The following KCNQ3 variants were observed in gnomAD, a reference collection of about 807,000 sequenced individuals.
KCNQ3 encodes the protein potassium voltage-gated channel subfamily KQT member 3.
Under a neutral mutation model 92.5 loss-of-function variants are expected in KCNQ3, and 30 were observed. The ratio of observed to expected loss-of-function variants is 0.32; its 90% CI spans 0.24 to 0.44. The LOEUF is 0.44. KCNQ3 is among the 20% of genes least tolerant of loss of function. The pLI, the probability that KCNQ3 is intolerant of heterozygous loss-of-function variation, is 1.00. For synonymous variants in KCNQ3, 450 were observed against 468.8 expected, an observed-to-expected ratio of 0.96 and a Z score of 0.52; for missense variants, 913 against 1,140.3, an observed-to-expected ratio of 0.80 and a Z score of 2.87.
At chr8:132,304,211 TG>T (rs1817346364) in intron 1 of KCNQ3, among the ~76,000 whole-genome samples, 1 of 152,204 alleles carries the variant, frequency 6.6e-6, no homozygotes, top group Non-Finnish European at 1.5e-5. Flanking sequence ...TGTACACTAT[TG>T]GGGTGATGGT....
intron 1 of KCNQ3, among the ~76,000 whole-genome samples, chr8:132,270,784 C>G (rs1363081665): frequency 6.6e-6 from 1 of 152,186 alleles, no homozygotes; most frequent in Admixed American, 6.5e-5. Context: ...AATTTGCCAA[C>G]CCTTAGACTG....
chr8:132,260,833 C>A (rs1815762729), intron 1 of KCNQ3, among the ~76,000 whole-genome samples: 1 of 152,038 alleles, frequency 6.6e-6, no homozygotes, highest in Non-Finnish European at 1.5e-5. Context: ...AAACTTCCAT[C>A]CAACCATCCA....
At chr8:132,343,296 G>A (rs558916214) in intron 1 of KCNQ3, among the ~76,000 whole-genome samples, 17 of 152,304 alleles carry the variant, frequency 1.1e-4, no homozygotes, top group African/African-American at 4.1e-4. Context: ...GCACATGGAA[G>A]ACACATCTTT....
intron 1 of KCNQ3, among the ~76,000 whole-genome samples, chr8:132,227,991 A>AC (rs947011984): frequency 1.3e-5 from 2 of 152,114 alleles, no homozygotes; most frequent in African/African-American, 4.8e-5. Flanking sequence ...CAGAAGTTAA[A>AC]AAAAAAAACC....
At chr8:132,295,927 C>CGG (rs1293084571) in intron 1 of KCNQ3, among the ~76,000 whole-genome samples, 1 of 151,902 alleles carries the variant, frequency 6.6e-6, no homozygotes. Flanking sequence ...CTAATGCACA[C>CGG]GGGGCTTAAT....
In KCNQ3 at chr8:132,122,980, T is replaced by A. The variant is rs10095295; in HGVS notation, c.*6282A>T. Reference sequence around the variant, plus strand: ...AGTATCTGCTTATGTCCTGACAACATGGGGATTCTCTGGGACAAGGCAAGA... The same window carrying A: ...AGTATCTGCTTATGTCCTGACAACAAGGGGATTCTCTGGGACAAGGCAAGA... On this transcript the variant is annotated 3_prime_UTR_variant, in exon 15 of 15. Coordinates refer to ENST00000388996, the MANE Select transcript of KCNQ3 (RefSeq NM_004519.4). 40,230 of 152,018 alleles carry A rather than the reference T, an allele frequency of 0.26. 5,495 individuals carry two copies. Among genetic ancestry groups the A allele is most frequent in the Middle Eastern group, 0.42 (123 of 292 alleles). 9.4% of individuals were successfully genotyped at this position (152,018 alleles called of 1,614,324 possible).
intron 1 of KCNQ3, among the ~76,000 whole-genome samples, chr8:132,318,392 G>C (rs1226865603): frequency 2.0e-5 from 3 of 152,174 alleles, no homozygotes; most frequent in Non-Finnish European, 4.4e-5. Flanking sequence ...GCTCAGAGTT[G>C]TCTCTGAAAC....
At chr8:132,391,470 T>G (rs1433585653) in intron 1 of KCNQ3, among the ~76,000 whole-genome samples, 3 of 151,704 alleles carry the variant, frequency 2.0e-5, no homozygotes, top group Non-Finnish European at 4.4e-5. Context: ...AACAAATGCT[T>G]TACGCCTCTG....
At chr8:132,303,881 T>G (rs1817336229) in intron 1 of KCNQ3, among the ~76,000 whole-genome samples, 1 of 151,210 alleles carries the variant, frequency 6.6e-6, no homozygotes, top group Non-Finnish European at 1.5e-5. Context: ...TATATACACA[T>G]ATAATATTTT....
intron 1 of KCNQ3, among the ~76,000 whole-genome samples, chr8:132,277,204 T>TAAAACAAAAC (rs1816362117): frequency 6.6e-6 from 1 of 152,156 alleles, no homozygotes. Flanking sequence ...TTTCACAAAT[T>TAAAACAAAAC]AAAACAAAAC....
chr8:132,470,886 T>A (rs958634549), intron 1 of KCNQ3, among the ~76,000 whole-genome samples: 1 of 152,188 alleles, frequency 6.6e-6, no homozygotes, highest in Non-Finnish European at 1.5e-5. Flanking sequence ...GCCCCACAAT[T>A]TGAATTTGTC....
intron 1 of KCNQ3, among the ~76,000 whole-genome samples, chr8:132,405,411 C>G (rs1820449800): frequency 6.6e-6 from 1 of 152,212 alleles, no homozygotes; most frequent in South Asian, 2.1e-4. Flanking sequence ...TGGCAGTGAA[C>G]AATAGAGACT....
chr8:132,313,119 G>T (rs977433649), intron 1 of KCNQ3, among the ~76,000 whole-genome samples: 12 of 152,198 alleles, frequency 7.9e-5, no homozygotes, highest in African/African-American at 2.9e-4. Context: ...GTTGGCAAAT[G>T]CTGGCCTAGA....
chr8:132,233,725 C>T (rs1226814714), intron 1 of KCNQ3, among the ~76,000 whole-genome samples: 1 of 152,166 alleles, frequency 6.6e-6, no homozygotes, highest in Non-Finnish European at 1.5e-5. Flanking sequence ...AAACGGGTCC[C>T]TCATTTCACT....
chr8:132,228,948 T>C (rs891720725), intron 1 of KCNQ3, among the ~76,000 whole-genome samples: 2 of 151,950 alleles, frequency 1.3e-5, no homozygotes, highest in African/African-American at 2.4e-5. Context: ...AGGATCACAT[T>C]TGTGTATCAT....
chr8:132,373,747 C>G (rs936456460), intron 1 of KCNQ3, among the ~76,000 whole-genome samples: 2 of 152,160 alleles, frequency 1.3e-5, no homozygotes, highest in African/African-American at 4.8e-5. Context: ...CTGACAGATA[C>G]AGGTGCCCAG....
At chr8:132,259,738 T>G (rs1412219789) in intron 1 of KCNQ3, among the ~76,000 whole-genome samples, 1 of 152,122 alleles carries the variant, frequency 6.6e-6, no homozygotes, top group Non-Finnish European at 1.5e-5. Context: ...GACATGATCT[T>G]TTATACAAAT....
intron 1 of KCNQ3, among the ~76,000 whole-genome samples, chr8:132,272,585 G>A (rs138298451): frequency 2.5e-3 from 384 of 152,296 alleles, no homozygotes; most frequent in Admixed American, 4.3e-3. Flanking sequence ...CAATCATGGT[G>A]GAAGGCAAGA....
chr8:132,391,803 G>A (rs894151363), intron 1 of KCNQ3, among the ~76,000 whole-genome samples: 5 of 152,164 alleles, frequency 3.3e-5, no homozygotes, highest in African/African-American at 1.2e-4. Context: ...TCCATGTGGG[G>A]AGCAGCATCT....
Sources: allele counts gnomAD v4.1 joint callset (sites outside exome capture counted in the v4.1 genomes callset), GRCh38; gene constraint gnomAD v4.1.1; transcripts MANE v1.5; gene names NCBI Gene and HGNC (gene_info 2026-07-23, HGNC 2026-07-21).